Variants in RUNDC3B observed in about 807,000 individuals in gnomAD.
The protein encoded by RUNDC3B is RUN domain-containing protein 3B.
A neutral mutation model predicts 58.4 loss-of-function variants in RUNDC3B; 33 were observed. The observed-to-expected ratio is 0.56, with a 90% confidence interval of 0.43 to 0.75. The LOEUF (loss-of-function observed/expected upper bound fraction) is 0.75, where lower values mean the gene tolerates loss of function less well. Among genes scored for constraint, RUNDC3B ranks in the 30% least tolerant of loss-of-function variants. The pLI, the probability that RUNDC3B is intolerant of heterozygous loss-of-function variation, is 0.00. For synonymous variants in RUNDC3B, 193 were observed against 195.2 expected, an observed-to-expected ratio of 0.99 and a Z score of 0.10; for missense variants, 501 against 535.7, an observed-to-expected ratio of 0.94 and a Z score of 0.64.
chr7:87,630,775 G>A (rs944296810), intron 1 of RUNDC3B, among the ~76,000 whole-genome samples: 10 of 150,744 alleles, frequency 6.6e-5, no homozygotes, highest in Non-Finnish European at 1.2e-4. Context: ...GATGGGTACT[G>A]TTCCTTTTGC....
chr7:87,668,167 C>T (rs2130498676), intron 2 of RUNDC3B, among the ~76,000 whole-genome samples: 1 of 150,586 alleles, frequency 6.6e-6, no homozygotes, highest in African/African-American at 2.4e-5. Flanking sequence ...TTTCAGAGCT[C>T]ATTATTGGTC....
intron 2 of RUNDC3B, among the ~76,000 whole-genome samples, chr7:87,675,186 G>A (rs538517102): frequency 2.6e-5 from 4 of 152,234 alleles, no homozygotes; most frequent in Admixed American, 6.5e-5. Context: ...CTGGGTTCCC[G>A]GCTTCCTCCC....
chr7:87,630,027 A>G (rs1448643753), intron 1 of RUNDC3B, among the ~76,000 whole-genome samples: 2 of 152,206 alleles, frequency 1.3e-5, no homozygotes, highest in Non-Finnish European at 2.9e-5. Flanking sequence ...GTATTAAGAA[A>G]AATTGAAACC....
In RUNDC3B at chr7:87,734,269, AC is replaced by A. The variant is rs560648165; in HGVS notation, c.459-5519del. Among the ~76,000 whole-genome samples, 110 of 152,320 alleles carry A rather than the reference AC, an allele frequency of 7.2e-4. 1 individual carries two copies. The highest frequency in any genetic ancestry group is 1.3e-3 in the Non-Finnish European group (90 of 68,028). ...AGGTTAAACATAGAGTTACCATATG[AC>A]CCAGCACATGACTCCTAGGTGCATG... On this transcript the variant is annotated intron_variant, in intron 4 of 10. Transcript: ENST00000394654.
intron 6 of RUNDC3B, among the ~76,000 whole-genome samples, chr7:87,754,465 C>T (rs1221252172): frequency 2.0e-5 from 3 of 152,116 alleles, no homozygotes; most frequent in South Asian, 2.1e-4. Context: ...GTTCATACCA[C>T]TAAATGTCCA....
chr7:87,652,357 C>A (rs901016341), intron 2 of RUNDC3B, among the ~76,000 whole-genome samples: 3 of 151,988 alleles, frequency 2.0e-5, no homozygotes, highest in African/African-American at 7.2e-5. Flanking sequence ...ATGCCTCCTG[C>A]GCACTAATCT....
chr7:87,713,771 A>G (rs1830303379), intron 4 of RUNDC3B, among the ~76,000 whole-genome samples: 1 of 152,160 alleles, frequency 6.6e-6, no homozygotes, highest in African/African-American at 2.4e-5. Context: ...TCCACTGGCT[A>G]AAAAATAATT....
chr7:87,728,344 C>T (rs571342445), intron 4 of RUNDC3B, among the ~76,000 whole-genome samples: 3 of 152,224 alleles, frequency 2.0e-5, no homozygotes, highest in South Asian at 4.1e-4. Flanking sequence ...TCAGATTCTT[C>T]GGATGTCTTT....
At chr7:87,705,032 A>G (rs1423952428) in intron 3 of RUNDC3B, among the ~76,000 whole-genome samples, 1 of 152,234 alleles carries the variant, frequency 6.6e-6, no homozygotes, top group East Asian at 1.9e-4. Context: ...ATACAAGTAC[A>G]CTTGTATCAC....
At chr7:87,711,219 G>A (rs28381724) in intron 4 of RUNDC3B, among the ~76,000 whole-genome samples, 21,009 of 151,838 alleles carry the variant, frequency 0.14, 1,608 homozygotes, top group Admixed American at 0.23. Flanking sequence ...CCAGCTACTC[G>A]GGAGGCGGAG....
At chr7:87,732,647 T>C (rs996742856) in intron 4 of RUNDC3B, among the ~76,000 whole-genome samples, 1 of 151,652 alleles carries the variant, frequency 6.6e-6, no homozygotes, top group Non-Finnish European at 1.5e-5. Context: ...TCCAGGGGGG[T>C]CACTGCCTTC....
At chr7:87,793,314 A>T (rs747485607) in intron 8 of RUNDC3B, among the ~76,000 whole-genome samples, 1 of 152,192 alleles carries the variant, frequency 6.6e-6, no homozygotes, top group Non-Finnish European at 1.5e-5. Context: ...AATATAGAGG[A>T]GGAATGAATA....
intron 4 of RUNDC3B, among the ~76,000 whole-genome samples, chr7:87,722,611 T>C (rs1380920432): frequency 1.3e-5 from 2 of 152,182 alleles, no homozygotes; most frequent in African/African-American, 4.8e-5. Context: ...GAGATTACCA[T>C]AATTCCTTTG....
chr7:87,787,081 CT>C (rs1835260787), intron 8 of RUNDC3B, among the ~76,000 whole-genome samples: 1 of 152,084 alleles, frequency 6.6e-6, no homozygotes, highest in African/African-American at 2.4e-5. Flanking sequence ...TTCTAAGATT[CT>C]TTCATACAAA....
chr7:87,710,477 G>T, intron 3 of RUNDC3B, 93 bp from the exon 4 acceptor site: 1 of 680,494 alleles, frequency 1.5e-6, no homozygotes, highest in Non-Finnish European at 2.5e-6. Context: ...ATTTTGAATG[G>T]CTGTTCTTTA....
At chr7:87,641,355 C>T (rs1584975908) in intron 1 of RUNDC3B, among the ~76,000 whole-genome samples, 2 of 152,156 alleles carry the variant, frequency 1.3e-5, no homozygotes, top group Non-Finnish European at 2.9e-5. Context: ...TCATCTTCCT[C>T]CATAAGATTG....
chr7:87,786,751 TCTTA>T (rs1460281877), intron 8 of RUNDC3B, among the ~76,000 whole-genome samples: 3 of 152,156 alleles, frequency 2.0e-5, no homozygotes, highest in African/African-American at 7.2e-5. Flanking sequence ...ATCACATTTA[TCTTA>T]CTTTGGATAA....
chr7:87,729,982 A>T (rs1232950251), intron 4 of RUNDC3B, among the ~76,000 whole-genome samples: 1 of 152,190 alleles, frequency 6.6e-6, no homozygotes, highest in African/African-American at 2.4e-5. Context: ...CCTGGGCCAG[A>T]AGGGTACCCA....
rs1045566966 is a variant in RUNDC3B at position 87,823,623 on chromosome 7, T to C, written c.1226-6262T>C. Among the ~76,000 whole-genome samples, 5 of 152,126 alleles carry C rather than the reference T, an allele frequency of 3.3e-5. No homozygotes were observed. In the East Asian group the frequency reaches 7.7e-4, roughly 23 times the overall value. On this transcript the variant is annotated intron_variant, in intron 10 of 10. Coordinates refer to ENST00000394654, the MANE Select transcript of RUNDC3B (RefSeq NM_001134405.2). The stretch of plus-strand genomic sequence containing the variant: ...CTCCTTTGTCTCTTTCTTATGCTTT[T>C]GCATCCTCATAGCTCAGCTGCCACT...
Sources: gnomAD v4.1 joint callset for allele counts (sites outside exome capture counted in the v4.1 genomes callset) on GRCh38, gnomAD v4.1.1 for gene constraint, MANE v1.5 for transcripts, NCBI Gene and HGNC (gene_info 2026-07-23, HGNC 2026-07-21) for gene names.